The following SPATA16 variants were observed in gnomAD, a reference collection of about 807,000 sequenced individuals.
The protein encoded by SPATA16 is spermatogenesis associated 16, also known as spermatogenesis-associated protein 16.
Under a neutral mutation model 63.3 loss-of-function variants are expected in SPATA16, and 36 were observed. That is an observed-to-expected ratio of 0.57 (90% CI 0.44 to 0.75). The LOEUF (loss-of-function observed/expected upper bound fraction) is 0.75, where lower values mean the gene tolerates loss of function less well. Among genes scored for constraint, SPATA16 ranks in the 30% least tolerant of loss-of-function variants. The pLI, the probability that SPATA16 is intolerant of heterozygous loss-of-function variation, is 0.00. For synonymous variants in SPATA16, 203 were observed against 216.7 expected (o/e 0.94, Z 0.56); for missense variants, 646 against 679.3 (o/e 0.95, Z 0.54).
intron 3 of SPATA16, among the ~76,000 whole-genome samples, chr3:173,028,240 G>A (rs540554904): frequency 3.9e-4 from 59 of 151,658 alleles, no homozygotes; most frequent in African/African-American, 1.3e-3. Flanking sequence ...ATAGAAATAG[G>A]TGGTAGATCT....
Position 172,889,659 on chromosome 3 carries a change from C to G in SPATA16, c.1621G>C (p.Glu541Gln). 6.2e-7 allele frequency: 1 copy of G among 1,613,598 alleles called. No individual in the cohort carries two copies. The highest frequency in any genetic ancestry group is 8.5e-7 in the Non-Finnish European group (1 of 1,179,838). ...GQIEDFLYQL[E>Q]DSFLKTKKLR... ...TTTTTAGTTTTTAAGAAACTGTCCTCTAATTGGTATAGAAAATCTTCAATT... is the reference window on the plus strand; with the variant it reads ...TTTTTAGTTTTTAAGAAACTGTCCTGTAATTGGTATAGAAAATCTTCAATT... Residue 541 changes from glutamate (E) to glutamine (Q), a missense_variant, in exon 11 of 11, where the codon GAG (glutamate) becomes CAG (glutamine). Glu to Gln is a conservative substitution (Grantham distance 29, BLOSUM62 2). Coordinates refer to ENST00000351008, the MANE Select transcript of SPATA16 (RefSeq NM_031955.6).
intron 2 of SPATA16, among the ~76,000 whole-genome samples, chr3:173,059,335 A>T (rs1736321039): frequency 1.5e-5 from 2 of 132,924 alleles, no homozygotes. Flanking sequence ...TCTTTTACTA[A>T]TGTCTTTTTT....
At chr3:172,897,921 G>T (rs1189520858) in intron 10 of SPATA16, among the ~76,000 whole-genome samples, 1 of 151,816 alleles carries the variant, frequency 6.6e-6, no homozygotes, top group South Asian at 2.1e-4. Flanking sequence ...AATTTGAGGA[G>T]GTTCCTCTTT....
chr3:172,898,321 T>A (rs1732052188), intron 10 of SPATA16, among the ~76,000 whole-genome samples: 1 of 152,016 alleles, frequency 6.6e-6, no homozygotes, highest in South Asian at 2.1e-4. Flanking sequence ...GAATTGGTGT[T>A]AATTCTTTAA....
intron 8 of SPATA16, among the ~76,000 whole-genome samples, chr3:172,921,170 G>T (rs1184415577): frequency 6.6e-6 from 1 of 151,288 alleles, no homozygotes; most frequent in Non-Finnish European, 1.5e-5. Context: ...CCTAAGTGCT[G>T]GGATTACAGG....
intron 6 of SPATA16, among the ~76,000 whole-genome samples, chr3:172,948,384 A>G (rs1175389633): frequency 2.6e-5 from 4 of 152,226 alleles, no homozygotes; most frequent in African/African-American, 9.6e-5. Context: ...TCTGGTAAAA[A>G]TATCTTTCAA....
intron 10 of SPATA16, among the ~76,000 whole-genome samples, chr3:172,901,399 C>G (rs940158043): frequency 6.6e-6 from 1 of 151,932 alleles, no homozygotes; most frequent in Non-Finnish European, 1.5e-5. Context: ...GGAGTTTTGC[C>G]ATGATGGCCA....
intron 4 of SPATA16, among the ~76,000 whole-genome samples, chr3:173,014,562 G>A (rs868053819): frequency 6.6e-6 from 1 of 152,082 alleles, no homozygotes; most frequent in African/African-American, 2.4e-5. Context: ...TAATAAACCC[G>A]CACATGTATC....
At chr3:173,070,679 A>T (rs564726650) in intron 2 of SPATA16, among the ~76,000 whole-genome samples, 3 of 152,344 alleles carry the variant, frequency 2.0e-5, no homozygotes, top group Non-Finnish European at 4.4e-5. Flanking sequence ...ACAGCAAACA[A>T]TCTGAAAAAG....
intron 2 of SPATA16, among the ~76,000 whole-genome samples, chr3:173,092,372 C>T (rs111246577): frequency 0.012 from 1,763 of 152,270 alleles, 39 homozygotes; most frequent in African/African-American, 0.04. Context: ...TCAAAGATGT[C>T]TATATCCTAC....
intron 4 of SPATA16, among the ~76,000 whole-genome samples, chr3:173,003,903 C>G (rs1156428508): frequency 6.6e-6 from 1 of 152,112 alleles, no homozygotes; most frequent in Non-Finnish European, 1.5e-5. Context: ...TATATTATCT[C>G]TAGATATATT....
intron 6 of SPATA16, among the ~76,000 whole-genome samples, chr3:172,931,691 A>G (rs1028642980): frequency 2.5e-4 from 38 of 152,362 alleles, no homozygotes; most frequent in African/African-American, 8.9e-4. Flanking sequence ...AAACTAATAA[A>G]ATATCTAGAG....
At chr3:172,965,047 C>G (rs2108242421) in intron 5 of SPATA16, among the ~76,000 whole-genome samples, 1 of 152,324 alleles carries the variant, frequency 6.6e-6, no homozygotes, top group African/African-American at 2.4e-5. Flanking sequence ...ACCTGAAAAA[C>G]TCATTTATTT....
chr3:173,006,107 A>C lies in SPATA16; in HGVS notation c.848+13379T>G, dbSNP rs778533031. ...AGTCTTAAAGTCAGATATTTGACCT[A>C]AGCTATGGCAAATGACTCAATCTGT... On this transcript the variant is annotated intron_variant, in intron 4 of 10. Transcript: ENST00000351008. 5.9e-5 allele frequency among the ~76,000 whole-genome samples: 9 copies of C among 152,318 alleles called. No homozygotes were observed. The East Asian group carries it at 1.5e-3, about 26-fold the overall frequency.
intron 2 of SPATA16, among the ~76,000 whole-genome samples, chr3:173,058,763 A>G (rs1270888863): frequency 6.6e-6 from 1 of 151,964 alleles, no homozygotes; most frequent in African/African-American, 2.4e-5. Context: ...TTTAGTAAAT[A>G]TATAATTAAT....
intron 3 of SPATA16, among the ~76,000 whole-genome samples, chr3:173,043,147 A>C (rs1263511119): frequency 6.6e-6 from 1 of 152,044 alleles, no homozygotes; most frequent in African/African-American, 2.4e-5. Context: ...ATCAATGTAC[A>C]TATGTTTGAT....
intron 4 of SPATA16, among the ~76,000 whole-genome samples, chr3:173,010,887 G>A (rs947460974): frequency 6.6e-6 from 1 of 151,910 alleles, no homozygotes; most frequent in Non-Finnish European, 1.5e-5. Context: ...CTGAATCCTC[G>A]AAACCCAACT....
At chr3:172,927,899 T>G (rs1732777632) in intron 6 of SPATA16, among the ~76,000 whole-genome samples, 1 of 152,022 alleles carries the variant, frequency 6.6e-6, no homozygotes, top group East Asian at 1.9e-4. Flanking sequence ...TATTAGATGC[T>G]TCTTCTTCTT....
At chr3:173,052,352 C>T (rs1167206945) in intron 2 of SPATA16, among the ~76,000 whole-genome samples, 1 of 152,082 alleles carries the variant, frequency 6.6e-6, no homozygotes, top group Non-Finnish European at 1.5e-5. Context: ...AGCTGAAAGA[C>T]AGCAGTGAAA....
Sources: allele counts gnomAD v4.1 joint callset (sites outside exome capture counted in the v4.1 genomes callset), GRCh38; gene constraint gnomAD v4.1.1; transcripts MANE v1.5; gene names NCBI Gene and HGNC (gene_info 2026-07-23, HGNC 2026-07-21).